PDCD1LG2: variants seen among roughly 807,000 people sequenced by gnomAD.
PDCD1LG2 encodes programmed cell death 1 ligand 2.
A neutral mutation model predicts 28.2 loss-of-function variants in PDCD1LG2; 32 were observed. The observed-to-expected ratio is 1.13, with a 90% CI of 0.86 to 1.52. The LOEUF is 1.52. Ranked by LOEUF, PDCD1LG2 falls within the 40% of genes most tolerant of loss-of-function variation. The pLI is 0.00. For synonymous variants in PDCD1LG2, 116 were observed against 120.2 expected, an observed-to-expected ratio of 0.97 and a Z score of 0.23; for missense variants, 385 against 323.8, an observed-to-expected ratio of 1.19 and a Z score of -1.45.
rs1394791102 is a variant in PDCD1LG2, at chr9:5,570,832, G to C, written c.*873G>C. 4.3e-6 allele frequency: 1 copy of C among 232,644 alleles called. No individual in the cohort carries two copies. The highest frequency in any genetic ancestry group is 6.1e-5 in the East Asian group (1 of 16,502). 14.4% of individuals were successfully genotyped at this position (232,644 alleles called of 1,614,324 possible). On this transcript the variant is annotated 3_prime_UTR_variant, in exon 7 of 7. Transcript: ENST00000397747. ...AGCCTCCTTTTCTGGCCCTCAATAT[G>C]ACTTTAAATTTGACTTTTCAGTGCC...
intron 6 of PDCD1LG2, among the ~76,000 whole-genome samples, chr9:5,567,151 T>C (rs1489419836): frequency 6.6e-6 from 1 of 152,204 alleles, no homozygotes; most frequent in Non-Finnish European, 1.5e-5. Flanking sequence ...TATAGGACTC[T>C]TCATCAGTCC....
At chr9:5,512,091 T>C (rs1430147107) in intron 1 of PDCD1LG2, among the ~76,000 whole-genome samples, 1 of 152,252 alleles carries the variant, frequency 6.6e-6, no homozygotes. Context: ...GGGTCATGCT[T>C]CAGAGTTTAT....
intron 5 of PDCD1LG2, among the ~76,000 whole-genome samples, chr9:5,558,091 G>A (rs1245424576): frequency 6.6e-6 from 1 of 152,154 alleles, no homozygotes; most frequent in African/African-American, 2.4e-5. Flanking sequence ...TTGCTGGTGG[G>A]AGGTTGCCAG....
intron 5 of PDCD1LG2, among the ~76,000 whole-genome samples, chr9:5,560,362 G>T (rs1043853407): frequency 7.2e-5 from 11 of 152,196 alleles, no homozygotes; most frequent in African/African-American, 2.7e-4. Context: ...CCTCCAGAGG[G>T]CCCTGGTTTT....
Position 5,535,015 on chromosome 9 carries a change from C to G in PDCD1LG2, c.326C>G (p.Ala109Gly), listed in dbSNP as rs2129796064. 1 of 1,612,814 alleles carries G rather than the reference C, an allele frequency of 6.2e-7. No individual in the cohort carries two copies. Among genetic ancestry groups the G allele is most frequent in the Non-Finnish European group, 8.5e-7 (1 of 1,179,198 alleles). ...QYQCIIIYGV[A>G]WDYKYLTLKV... ...CAATGCATAATCATCTATGGGGTCG[C>G]CTGGGACTACAAGTACCTGACTCTG... The change falls in exon 3 of 7, where the codon GCC becomes GGC. Residue 109 changes from alanine (A) to glycine (G), a missense_variant. Transcript: ENST00000397747.
chr9:5,515,940 A>G (rs529572759), intron 1 of PDCD1LG2, among the ~76,000 whole-genome samples: 1 of 150,330 alleles, frequency 6.7e-6, no homozygotes, highest in South Asian at 2.1e-4. Flanking sequence ...AAAAAAAAAA[A>G]AAAAAAAAAG....
chr9:5,527,915 G>A (rs1231948354), intron 2 of PDCD1LG2, among the ~76,000 whole-genome samples: 5 of 151,812 alleles, frequency 3.3e-5, no homozygotes, highest in Non-Finnish European at 5.9e-5. Flanking sequence ...TGCAACCTCC[G>A]CCTCCCGGGT....
rs1200824154 is a variant in PDCD1LG2, at chr9:5,557,602, C to G, written c.632-16C>G. The G allele has an allele frequency of 3.7e-6, 6 of 1,613,592 alleles. No homozygotes were observed. The highest frequency in any genetic ancestry group is 5.1e-6 in the Non-Finnish European group (6 of 1,179,744). On this transcript the variant is annotated splice_polypyrimidine_tract_variant and intron_variant, in intron 4 of 6. Coordinates refer to ENST00000397747, the MANE Select transcript of PDCD1LG2 (RefSeq NM_025239.4). The stretch of plus-strand genomic sequence containing the variant: ...GTTGCCATGTAACAGGATTCTGGTG[C>G]TTTTCCTTTGCCCAGGTCAGATGGA...
intron 1 of PDCD1LG2, among the ~76,000 whole-genome samples, chr9:5,516,590 C>G (rs779284443): frequency 5.9e-5 from 9 of 152,222 alleles, no homozygotes; most frequent in Admixed American, 1.3e-4. Flanking sequence ...ACATGCTGTC[C>G]ATGATGCCCA....
chr9:5,512,105 C>T (rs1820071839), intron 1 of PDCD1LG2, among the ~76,000 whole-genome samples: 1 of 152,204 alleles, frequency 6.6e-6, no homozygotes, highest in Non-Finnish European at 1.5e-5. Flanking sequence ...AGTTTATTTG[C>T]TTTACAATAC....
At chr9:5,557,854 C>A (rs2129924192) in intron 5 of PDCD1LG2, 102 bp downstream of exon 5, 2 of 1,396,886 alleles carry the variant, frequency 1.4e-6, no homozygotes, top group Non-Finnish European at 2.0e-6. Flanking sequence ...CATGCTAAAC[C>A]CACTCAGAGC....
At chr9:5,542,815 A>G (rs1056607035) in intron 3 of PDCD1LG2, among the ~76,000 whole-genome samples, 2 of 152,122 alleles carry the variant, frequency 1.3e-5, no homozygotes, top group African/African-American at 4.8e-5. Context: ...TGATCCAGCA[A>G]TCCCACTACT....
chr9:5,544,413 T>C (rs1462190372), intron 3 of PDCD1LG2, among the ~76,000 whole-genome samples: 2 of 152,226 alleles, frequency 1.3e-5, no homozygotes, highest in Non-Finnish European at 2.9e-5. Flanking sequence ...ATACATCTTC[T>C]GCTGGAGAGG....
rs775416649 is a variant in PDCD1LG2, at chr9:5,557,604, T to C, written c.632-14T>C. On this transcript the variant is annotated splice_polypyrimidine_tract_variant and intron_variant, in intron 4 of 6. Coordinates refer to ENST00000397747, the MANE Select transcript of PDCD1LG2 (RefSeq NM_025239.4). ...TGCCATGTAACAGGATTCTGGTGCT[T>C]TTCCTTTGCCCAGGTCAGATGGAAC... is the stretch of plus-strand genomic sequence containing the variant. 1.9e-6 allele frequency: 3 copies of C among 1,613,792 alleles called. No homozygotes were observed. Among genetic ancestry groups the C allele is most frequent in the Non-Finnish European group, 2.5e-6 (3 of 1,179,800 alleles).
intron 1 of PDCD1LG2, among the ~76,000 whole-genome samples, chr9:5,517,007 C>T (rs1820179982): frequency 6.6e-6 from 1 of 152,212 alleles, no homozygotes; most frequent in Admixed American, 6.5e-5. Context: ...CTGTTCTTGG[C>T]CTCCCTGGCC....
At chr9:5,524,707 G>A (rs538633678) in intron 2 of PDCD1LG2, among the ~76,000 whole-genome samples, 1 of 152,234 alleles carries the variant, frequency 6.6e-6, no homozygotes, top group South Asian at 2.1e-4. Context: ...GAGGAGGTCT[G>A]GGATGGGGGT....
intron 3 of PDCD1LG2, among the ~76,000 whole-genome samples, chr9:5,537,734 T>A (rs1042280719): frequency 6.6e-6 from 1 of 152,130 alleles, no homozygotes; most frequent in South Asian, 2.1e-4. Flanking sequence ...TGTTGTGTGG[T>A]CGGGGGAGGG....
rs183018183 is a variant in PDCD1LG2 at position 5,569,835 on chromosome 9, C to T, written c.817-119C>T. The T allele has an allele frequency of 7.0e-5, 69 of 989,744 alleles. No homozygotes were observed. The highest frequency in any genetic ancestry group is 3.9e-4 in the African/African-American group (24 of 61,138). 61.3% of individuals were successfully genotyped at this position (989,744 alleles called of 1,614,324 possible). Reference sequence around the variant, plus strand: ...TTTAAATGAAAAGTTTTAAACCATGCGGCTTCCAGCTAGATGAACTTTTTT... The same window carrying T: ...TTTAAATGAAAAGTTTTAAACCATGTGGCTTCCAGCTAGATGAACTTTTTT... On this transcript the variant is annotated intron_variant, in intron 6 of 6. Transcript: ENST00000397747. This position sits in a 1 kb window ranked among gnomAD's most constrained non-coding sequence, Gnocchi z 4.1.
rs547203056 is a variant in PDCD1LG2, at chr9:5,557,694, C to A, written c.708C>A (p.Phe236Leu). 48 of 1,613,874 alleles carry A rather than the reference C, an allele frequency of 3.0e-5. No individual in the cohort carries two copies. In the East Asian group the frequency reaches 1.0e-3, roughly 34 times the overall value. The change falls in exon 5 of 7, where the codon TTC becomes TTA. Residue 236 changes from phenylalanine (F) to leucine (L), a missense_variant. Physicochemically the swap from Phe to Leu is conservative, Grantham distance 22 (BLOSUM62 0). Coordinates refer to ENST00000397747, the MANE Select transcript of PDCD1LG2 (RefSeq NM_025239.4). ...FIPFCIIAFIFIATVIALRKQ... is the reference protein window; with the variant it reads ...FIPFCIIAFILIATVIALRKQ... Reference sequence around the variant, plus strand: ...CCTTCTGCATCATTGCTTTCATTTTCATAGCCACAGTGATAGCCCTAAGAA... The same window carrying A: ...CCTTCTGCATCATTGCTTTCATTTTAATAGCCACAGTGATAGCCCTAAGAA...
Sources: allele counts gnomAD v4.1 joint callset (sites outside exome capture counted in the v4.1 genomes callset), GRCh38; gene constraint gnomAD v4.1.1; non-coding constraint Gnocchi (gnomAD v3.1); transcripts MANE v1.5; gene names NCBI Gene and HGNC (gene_info 2026-07-23, HGNC 2026-07-21).